The following SLC25A31 variants were observed in gnomAD, a reference collection of about 807,000 sequenced individuals.
SLC25A31 encodes the protein ADP/ATP translocase 4.
SLC25A31 carries 40 observed loss-of-function variants against 36.2 expected under a neutral mutation model. The ratio of observed to expected loss-of-function variants is 1.10; its 90% CI spans 0.86 to 1.44. The LOEUF (loss-of-function observed/expected upper bound fraction) is 1.44. Ranked by LOEUF, SLC25A31 falls within the 40% of genes most tolerant of loss-of-function variation. SLC25A31 has a pLI of 0.00. For missense variants in SLC25A31, 350 were observed against 397.1 expected, an observed-to-expected ratio of 0.88 and a Z score of 1.01; for synonymous variants, 143 against 149.7, an observed-to-expected ratio of 0.96 and a Z score of 0.32.
chr4:127,743,826 TAA>T (rs563747267), intron 1 of SLC25A31, among the ~76,000 whole-genome samples: 4 of 152,348 alleles, frequency 2.6e-5, no homozygotes, highest in Non-Finnish European at 5.9e-5. Context: ...CTAGCGCAGT[TAA>T]CTGAGATTAT....
intron 2 of SLC25A31, among the ~76,000 whole-genome samples, chr4:127,752,798 C>A (rs922189263): frequency 2.0e-5 from 3 of 152,156 alleles, no homozygotes; most frequent in Non-Finnish European, 4.4e-5. Flanking sequence ...AAGGGAGAGA[C>A]AGACTGCAAT....
intron 2 of SLC25A31, among the ~76,000 whole-genome samples, chr4:127,753,774 A>G (rs529629050): frequency 6.6e-6 from 1 of 152,284 alleles, no homozygotes; most frequent in South Asian, 2.1e-4. Flanking sequence ...AGTCTTCAAA[A>G]AAATGGAAGA....
At chr4:127,756,238 A>C (rs1409701420) in intron 2 of SLC25A31, among the ~76,000 whole-genome samples, 3 of 152,222 alleles carry the variant, frequency 2.0e-5, no homozygotes, top group African/African-American at 7.2e-5. Flanking sequence ...GTGTGTATTC[A>C]GTGGAATATT....
intron 5 of SLC25A31, 122 bp from the exon 6 acceptor site, chr4:127,773,264 G>A: frequency 1.3e-6 from 1 of 779,336 alleles, no homozygotes; most frequent in Non-Finnish European, 1.9e-6. Flanking sequence ...AGCCATATAT[G>A]CCTATTAACA....
At chr4:127,766,939 T>C (rs1732254987) in intron 3 of SLC25A31, 127 bp from the exon 4 acceptor site, 2 of 729,534 alleles carry the variant, frequency 2.7e-6, no homozygotes, top group South Asian at 4.0e-5. Context: ...GGATTTTGAT[T>C]TGTGCCTTCT....
At chr4:127,765,107 G>A (rs373814969) in intron 3 of SLC25A31, among the ~76,000 whole-genome samples, 23 of 152,194 alleles carry the variant, frequency 1.5e-4, no homozygotes, top group Middle Eastern at 3.4e-3. Flanking sequence ...TGATTGCAGC[G>A]GTCACACAAC....
Position 127,751,619 on chromosome 4 carries a change from G to A in SLC25A31, c.360+6820G>A, listed in dbSNP as rs999006431. Among the ~76,000 whole-genome samples, 646 of 151,978 alleles carry A rather than the reference G, an allele frequency of 4.3e-3. 3 individuals are homozygous for A. The highest frequency in any genetic ancestry group is 0.014 in the African/African-American group (573 of 41,438). On this transcript the variant is annotated intron_variant, in intron 2 of 5. Coordinates refer to ENST00000281154, the MANE Select transcript of SLC25A31 (RefSeq NM_031291.4). ...CTTCTGCACAGCAAAAGAAACTACCGTCAGAGTGAACAGGCAACCTACAGA... is the reference window on the plus strand; with the variant it reads ...CTTCTGCACAGCAAAAGAAACTACCATCAGAGTGAACAGGCAACCTACAGA...
At chr4:127,746,579 C>T (rs1002541717) in intron 2 of SLC25A31, among the ~76,000 whole-genome samples, 7 of 151,956 alleles carry the variant, frequency 4.6e-5, no homozygotes, top group Non-Finnish European at 1.0e-4. Flanking sequence ...ACGTGTATGT[C>T]TTTTTTTCAA....
chr4:127,767,485 G>A (rs1043308999), intron 4 of SLC25A31, among the ~76,000 whole-genome samples: 4 of 152,032 alleles, frequency 2.6e-5, no homozygotes, highest in Non-Finnish European at 5.9e-5. Flanking sequence ...TGAAAAACAC[G>A]CTAATTAAGC....
chr4:127,745,416 G>A (rs866753490), intron 2 of SLC25A31, among the ~76,000 whole-genome samples: 11 of 149,074 alleles, frequency 7.4e-5, no homozygotes, highest in African/African-American at 2.7e-4. Context: ...TTGTTTTGTT[G>A]TATGCAATAC....
At chr4:127,752,254 T>A (rs1428794595) in intron 2 of SLC25A31, among the ~76,000 whole-genome samples, 1 of 151,986 alleles carries the variant, frequency 6.6e-6, no homozygotes, top group Non-Finnish European at 1.5e-5. Context: ...AAATGATGAG[T>A]TCATGTCCTT....
At chr4:127,769,827 A>G (rs1205319273) in intron 5 of SLC25A31, among the ~76,000 whole-genome samples, 4 of 152,304 alleles carry the variant, frequency 2.6e-5, no homozygotes, top group African/African-American at 9.6e-5. Flanking sequence ...GTGAGAGAAC[A>G]TTCTAAGCAT....
chr4:127,770,744 G>C lies in SLC25A31; in HGVS notation c.759+1867G>C, dbSNP rs1020024970. Among the ~76,000 whole-genome samples, 4 of 152,050 alleles carry C rather than the reference G, an allele frequency of 2.6e-5. No individual in the cohort carries two copies. The East Asian group carries it at 5.8e-4, about 22-fold the overall frequency. On this transcript the variant is annotated intron_variant, in intron 5 of 5. Coordinates refer to ENST00000281154, the MANE Select transcript of SLC25A31 (RefSeq NM_031291.4). ...ATGGGAATATGAGTCTTATATGTGT[G>C]TGTGTATTAGTTTGCTAGGGCTGGT...
chr4:127,759,635 G>A (rs1227220924), intron 2 of SLC25A31, among the ~76,000 whole-genome samples: 1 of 152,086 alleles, frequency 6.6e-6, no homozygotes, highest in Admixed American at 6.5e-5. Flanking sequence ...TAGATTAATA[G>A]GTGGTTAACC....
intron 1 of SLC25A31, among the ~76,000 whole-genome samples, chr4:127,743,327 G>A (rs1013983001): frequency 7.2e-5 from 11 of 151,758 alleles, no homozygotes; most frequent in Non-Finnish European, 1.0e-4. Context: ...GTAGAGATGC[G>A]GTCTCACAAT....
At chr4:127,751,721 TACAAGAAAAAA>T (rs1731936564) in intron 2 of SLC25A31, among the ~76,000 whole-genome samples, 2 of 151,876 alleles carry the variant, frequency 1.3e-5, no homozygotes, top group Admixed American at 1.3e-4. Flanking sequence ...CAAACAAATT[TACAAGAAAAAA>T]ACAACCCCAT....
intron 3 of SLC25A31, among the ~76,000 whole-genome samples, chr4:127,765,898 G>T (rs1171375845): frequency 1.3e-5 from 2 of 151,984 alleles, no homozygotes; most frequent in African/African-American, 4.8e-5. Flanking sequence ...ATATTATCTT[G>T]CTTTAAGTTC....
At chr4:127,748,217 C>T (rs1731859415) in intron 2 of SLC25A31, among the ~76,000 whole-genome samples, 1 of 152,182 alleles carries the variant, frequency 6.6e-6, no homozygotes, top group African/African-American at 2.4e-5. Flanking sequence ...ACAAACTCTC[C>T]CAGCTGAGTC....
chr4:127,745,925 A>C (rs1345081337), intron 2 of SLC25A31, among the ~76,000 whole-genome samples: 1 of 151,880 alleles, frequency 6.6e-6, no homozygotes, highest in Non-Finnish European at 1.5e-5. Flanking sequence ...CTAGCACCCA[A>C]TAGTTATTTT....
Sources: allele counts gnomAD v4.1 joint callset (sites outside exome capture counted in the v4.1 genomes callset), GRCh38; gene constraint gnomAD v4.1.1; transcripts MANE v1.5; gene names NCBI Gene and HGNC (gene_info 2026-07-23, HGNC 2026-07-21).